CARS1: variants seen among roughly 807,000 people sequenced by gnomAD.
CARS1 encodes the protein cysteinyl-tRNA synthetase 1, also known as cysteine--tRNA ligase, cytoplasmic.
Under a neutral mutation model 106.2 loss-of-function variants are expected in CARS1, and 48 were observed. That is an observed-to-expected ratio of 0.45 (90% CI 0.36 to 0.57). CARS1 has a LOEUF of 0.57. Ranked by LOEUF, CARS1 falls within the 20% of genes least tolerant of loss-of-function variation. CARS1 has a pLI of 0.00. For missense variants in CARS1, 968 were observed against 1,057.2 expected (o/e 0.92, Z 1.17); for synonymous variants, 409 against 403.4 (o/e 1.01, Z -0.17).
intron 10 of CARS1, among the ~76,000 whole-genome samples, chr11:3,024,038 A>G (rs1189235872): frequency 1.3e-5 from 2 of 152,208 alleles, no homozygotes; most frequent in East Asian, 1.9e-4. Context: ...GACTACAGGC[A>G]TGCGCCACCA....
rs1855847374 is a variant in CARS1, at chr11:3,053,049, T to G, written c.25+4294A>C. Among the ~76,000 whole-genome samples the G allele has an allele frequency of 2.6e-5, 4 of 152,196 alleles. No individual in the cohort carries two copies. Among genetic ancestry groups the G allele is most frequent in the Admixed American group, 2.6e-4 (4 of 15,282 alleles). The stretch of plus-strand genomic sequence containing the variant: ...TGTCACCGGCTACAAAGGTGGAGTC[T>G]CTACAGAACATTTATTGAAATCACA... On this transcript the variant is annotated intron_variant, in intron 1 of 22. Coordinates refer to ENST00000380525, the MANE Select transcript of CARS1 (RefSeq NM_001014437.3). This position sits in a 1 kb window ranked among gnomAD's most constrained non-coding sequence, Gnocchi z 6.6.
rs1301206560 is a variant in CARS1, at chr11:3,048,086, C to G, written c.26-85G>C. 1 of 1,514,582 alleles carries G rather than the reference C, an allele frequency of 6.6e-7. No individual in the cohort carries two copies. Among genetic ancestry groups the G allele is most frequent in the African/African-American group, 1.4e-5 (1 of 72,276 alleles). The allele number at this position is 1,514,582 out of a possible 1,614,324, so 93.8% of individuals were successfully genotyped here. On this transcript the variant is annotated intron_variant, in intron 1 of 22. Coordinates refer to ENST00000380525, the MANE Select transcript of CARS1 (RefSeq NM_001014437.3). The surrounding 1 kb of genome is among the most constrained non-coding windows in gnomAD (Gnocchi z 5.1). ...GAAAGACAGGGACTAGGGGATGGCA[C>G]AGAACCAAGGAAAAAGGTGTTCAAG...
At chr11:3,013,077 A>G (rs1341434654) in intron 17 of CARS1, among the ~76,000 whole-genome samples, 1 of 147,958 alleles carries the variant, frequency 6.8e-6, no homozygotes, top group Non-Finnish European at 1.5e-5. Context: ...TTCAGTAGAG[A>G]TGAGGTTTCA....
Position 3,043,068 on chromosome 11 carries a change from C to A in CARS1, c.275-812G>T, listed in dbSNP as rs1854689736. ...ACCTGAGCTCCTCTCAGCCTCCAGG[C>A]AGAGACCCCTGCCAGCCAGCCCCTC... On this transcript the variant is annotated intron_variant, in intron 2 of 22. Transcript: ENST00000380525. This position sits in a 1 kb window ranked among gnomAD's most constrained non-coding sequence, Gnocchi z 4.0. Among the ~76,000 whole-genome samples the A allele has an allele frequency of 6.6e-6, 1 of 152,240 alleles. No individual in the cohort carries two copies. Among genetic ancestry groups the A allele is most frequent in the Non-Finnish European group, 1.5e-5 (1 of 68,030 alleles).
chr11:3,024,629 G>A (rs572685971), intron 10 of CARS1, among the ~76,000 whole-genome samples: 57 of 152,158 alleles, frequency 3.7e-4, no homozygotes, highest in African/African-American at 1.3e-3. Flanking sequence ...TAAATTTTTT[G>A]TAGAAAGGGG....
rs553501826 is a variant in CARS1, at chr11:3,038,084, C to G, written c.767G>C (p.Arg256Thr). 6.2e-7 allele frequency: 1 copy of G among 1,614,102 alleles called. No homozygotes were observed. ...GCTGTTGACTTCCTCTCCCGTGAGT[C>G]TGGACTGCACAGCTTTCTCAAGTGG... The part of the protein sequence containing the change: ...TEPLEKAVQS[R>T]LTGEEVNSCV... Residue 256 changes from arginine to threonine, a missense_variant, in exon 7 of 23, where the codon AGA (arginine) becomes ACA (threonine). Physicochemically the swap from Arg to Thr is moderately conservative, Grantham distance 71 (BLOSUM62 -1). Coordinates refer to ENST00000380525, the MANE Select transcript of CARS1 (RefSeq NM_001014437.3). The surrounding 1 kb of genome is among the most constrained non-coding windows in gnomAD (Gnocchi z 4.0).
intron 1 of CARS1, among the ~76,000 whole-genome samples, chr11:3,051,362 G>A (rs1855680025): frequency 6.6e-6 from 1 of 152,234 alleles, no homozygotes; most frequent in Non-Finnish European, 1.5e-5. Flanking sequence ...TACAGGCCCA[G>A]TGTCAGCACT....
chr11:3,057,419 G>A lies in CARS1; in HGVS notation c.-52C>T. ...CGGCTACAGACACTTCCTAGAATCTGATGCAACCGCCGCCCCGGAAGTCGC... is the reference window on the plus strand; with the variant it reads ...CGGCTACAGACACTTCCTAGAATCTAATGCAACCGCCGCCCCGGAAGTCGC... On this transcript the variant is annotated 5_prime_UTR_variant, in exon 1 of 23. Coordinates refer to ENST00000380525, the MANE Select transcript of CARS1 (RefSeq NM_001014437.3). The A allele has an allele frequency of 6.4e-7, 1 of 1,565,608 alleles. No homozygotes were observed. Among genetic ancestry groups the A allele is most frequent in the South Asian group, 1.1e-5 (1 of 88,686 alleles).
intron 18 of CARS1, among the ~76,000 whole-genome samples, chr11:3,010,840 C>T (rs7108154): frequency 6.6e-6 from 1 of 152,324 alleles, no homozygotes; most frequent in East Asian, 1.9e-4. Context: ...CTCCTAGAGG[C>T]TTGCTGGGTC....
rs140442950 is a variant in CARS1 at position 3,003,439 on chromosome 11, T to C, written c.2218-839A>G. 4.6e-5 allele frequency among the ~76,000 whole-genome samples: 7 copies of C among 152,298 alleles called. No homozygotes were observed. In the East Asian group the frequency reaches 1.2e-3, roughly 25 times the overall value. On this transcript the variant is annotated intron_variant, in intron 20 of 22. Transcript: ENST00000380525. The surrounding 1 kb of genome is among the most constrained non-coding windows in gnomAD (Gnocchi z 4.8). The stretch of plus-strand genomic sequence containing the variant: ...TTTGGACAGCCTAGATATCAGAGGC[T>C]TCCTGGCCCAGTGGAGCTATCAGGT...
In CARS1 at chr11:3,047,000, G is replaced by A. The variant is rs577338114; in HGVS notation, c.274+753C>T. On this transcript the variant is annotated intron_variant, in intron 2 of 22. Transcript: ENST00000380525. The surrounding 1 kb of genome is among the most constrained non-coding windows in gnomAD (Gnocchi z 5.8). ...ATTTTTAAAAAGTTCAATGCCGGCC[G>A]GGCGCGGTGGTTCACACTTGTAATC... Among the ~76,000 whole-genome samples, 9 of 152,214 alleles carry A rather than the reference G, an allele frequency of 5.9e-5. No homozygotes were observed. The highest frequency in any genetic ancestry group is 2.1e-4 in the South Asian group (1 of 4,824).
At position 3,030,836 on chromosome 11, in the gene CARS1, G is replaced by A. The variant is rs1015006116; in HGVS notation, c.802-1393C>T. ...AATAGAAGCAAACGGAACCTGCAGAGATGAAATCTATTAACAGGCGAAACA... is the reference window on the plus strand; with the variant it reads ...AATAGAAGCAAACGGAACCTGCAGAAATGAAATCTATTAACAGGCGAAACA... On this transcript the variant is annotated intron_variant, in intron 7 of 22. Coordinates refer to ENST00000380525, the MANE Select transcript of CARS1 (RefSeq NM_001014437.3). This position sits in a 1 kb window ranked among gnomAD's most constrained non-coding sequence, Gnocchi z 5.7. 1 of 152,232 alleles carries A rather than the reference G, an allele frequency of 6.6e-6. No individual in the cohort carries two copies. Among genetic ancestry groups the A allele is most frequent in the African/African-American group, 2.4e-5 (1 of 41,446 alleles). 9.4% of individuals were successfully genotyped at this position (152,232 alleles called of 1,614,324 possible). A position where few individuals can be genotyped will look rare whatever the true frequency, so the allele number is the denominator to read the frequency against.
Position 3,029,976 on chromosome 11 carries a change from A to T in CARS1, c.802-533T>A, listed in dbSNP as rs72844021. ...GACACACCATGGAATGGGAGTAAAA[A>T]CCACCAATCCCAGCAAAACATGGCA... On this transcript the variant is annotated intron_variant, in intron 7 of 22. Coordinates refer to ENST00000380525, the MANE Select transcript of CARS1 (RefSeq NM_001014437.3). This position sits in a 1 kb window ranked among gnomAD's most constrained non-coding sequence, Gnocchi z 5.9. The T allele has an allele frequency of 0.013, 1,942 of 153,782 alleles. 17 individuals carry two copies. Among genetic ancestry groups the T allele is most frequent in the Non-Finnish European group, 0.02 (1,392 of 69,204 alleles). The allele number at this position is 153,782 out of a possible 1,614,324, so 9.5% of individuals were successfully genotyped here.
intron 7 of CARS1, chr11:3,031,506 G>A (rs1428917369): frequency 6.6e-6 from 1 of 152,232 alleles, no homozygotes; most frequent in Non-Finnish European, 1.5e-5. Flanking sequence ...AATACAAAAT[G>A]ATAAGAGACT....
Position 3,021,824 on chromosome 11 carries a change from C to A in CARS1, c.1154-1492G>T, listed in dbSNP as rs550127144. Among the ~76,000 whole-genome samples the A allele has an allele frequency of 5.4e-4, 82 of 152,330 alleles. No individual in the cohort carries two copies. Among genetic ancestry groups the A allele is most frequent in the Non-Finnish European group, 1.0e-3 (70 of 68,022 alleles). ...TACCTCCGCACTGTTCTGCCACTGA[C>A]AATTCCGCAAAAGCACAATGTGATA... On this transcript the variant is annotated intron_variant, in intron 10 of 22. Transcript: ENST00000380525. This position sits in a 1 kb window ranked among gnomAD's most constrained non-coding sequence, Gnocchi z 5.3.
In CARS1 at chr11:3,018,485, T is replaced by C; in HGVS notation, c.1552A>G (p.Met518Val). 1.2e-6 allele frequency: 2 copies of C among 1,613,744 alleles called. No homozygotes were observed. Among genetic ancestry groups the C allele is most frequent in the African/African-American group, 1.3e-5 (1 of 74,972 alleles). ...TCCAGGGTGTCCTTCCACGAGTGCA[T>C]GAGGAAGGCCAGCCGCAACTGCCGT... ...SARQLRLAFLMHSWKDTLDYS... is the reference protein window; with the variant it reads ...SARQLRLAFLVHSWKDTLDYS... Residue 518 changes from methionine to valine, a missense_variant, in exon 14 of 23, where the codon ATG becomes GTG. Coordinates refer to ENST00000380525, the MANE Select transcript of CARS1 (RefSeq NM_001014437.3).
chr11:3,011,068 A>T (rs1166446642), intron 18 of CARS1, among the ~76,000 whole-genome samples: 1 of 152,212 alleles, frequency 6.6e-6, no homozygotes, highest in Non-Finnish European at 1.5e-5. Flanking sequence ...TTGGAGGATC[A>T]TGGTGGTAAA....
At chr11:3,035,147 G>T (rs1853452393) in intron 7 of CARS1, among the ~76,000 whole-genome samples, 1 of 152,272 alleles carries the variant, frequency 6.6e-6, no homozygotes, top group South Asian at 2.1e-4. Context: ...TTACACTAGG[G>T]ATTAAGTTTC....
At position 3,029,077 on chromosome 11, in the gene CARS1, G is replaced by A. The variant is rs1447161626; in HGVS notation, c.950C>T (p.Pro317Leu). 5 of 1,611,218 alleles carry A rather than the reference G, an allele frequency of 3.1e-6. No individual in the cohort carries two copies. Among genetic ancestry groups the A allele is most frequent in the Non-Finnish European group, 4.2e-6 (5 of 1,177,368 alleles). ...ACTAACCCGGGTTAAGACATCTGGA[G>A]GGAGAACCTGTGCAAGACATGAGAA... ...HRDMEALNVL[P>L]PDVLTRVSEY... The change falls in exon 9 of 23, where the codon CCT (proline) becomes CTT (leucine). Residue 317 changes from proline to leucine, a missense_variant. Pro to Leu is a moderately conservative substitution (Grantham distance 98). Coordinates refer to ENST00000380525, the MANE Select transcript of CARS1 (RefSeq NM_001014437.3). This position sits in a 1 kb window ranked among gnomAD's most constrained non-coding sequence, Gnocchi z 5.9.
Sources: allele counts gnomAD v4.1 joint callset (sites outside exome capture counted in the v4.1 genomes callset), GRCh38; gene constraint gnomAD v4.1.1; non-coding constraint Gnocchi (gnomAD v3.1); transcripts MANE v1.5; gene names NCBI Gene and HGNC (gene_info 2026-07-23, HGNC 2026-07-21).